Variants in PLXNA3 observed in about 807,000 individuals in gnomAD.
PLXNA3 encodes plexin-A3.
PLXNA3 carries 52 observed loss-of-function variants against 118.8 expected under a neutral mutation model. The ratio of observed to expected loss-of-function variants is 0.44; its 90% CI spans 0.35 to 0.55. The LOEUF (loss-of-function observed/expected upper bound fraction) is 0.55, where lower values mean the gene tolerates loss of function less well. PLXNA3 is among the 20% of genes least tolerant of loss of function. The probability of loss-of-function intolerance (pLI) is 0.01; values close to 1 mark genes in which losing one functional copy is unlikely to be tolerated. For synonymous variants in PLXNA3, 925 were observed against 762.4 expected, an observed-to-expected ratio of 1.21 and a Z score of -3.51; for missense variants, 1,660 against 1,730.8, an observed-to-expected ratio of 0.96 and a Z score of 0.73.
At position 154,474,041 on chromosome X, in the gene PLXNA3, TGAC is replaced by T. The variant is rs1557210390; in HGVS notation, c.*1357_*1359del. On this transcript the variant is annotated 3_prime_UTR_variant, in exon 33 of 33. Transcript: ENST00000369682. ...AGCTGCAGCCAGCTCCTTCAAAACC[TGAC>T]AATTGCATACTGTCGAGGTTGTGGC... 2 of 112,177 alleles carry T rather than the reference TGAC, an allele frequency of 1.8e-5. No individual in the cohort carries two copies. Among genetic ancestry groups the T allele is most frequent in the African/African-American group, 6.5e-5 (2 of 30,810 alleles). 9.2% of individuals were successfully genotyped at this position (112,177 alleles called of 1,213,427 possible). A position where few individuals can be genotyped will look rare whatever the true frequency, so the allele number is the denominator to read the frequency against.
intron 2 of PLXNA3, 115 bp from the exon 3 acceptor site, chrX:154,460,984 G>C (rs2068943364): frequency 1.3e-6 from 1 of 755,516 alleles, no homozygotes; most frequent in Non-Finnish European, 1.9e-6. Flanking sequence ...CAGCCTTTCT[G>C]GCCTGGGCCT....
chrX:154,470,975 C>T, intron 30 of PLXNA3, 130 bp from the exon 31 acceptor site: 2 of 520,351 alleles, frequency 3.8e-6, no homozygotes, highest in Non-Finnish European at 6.5e-6. Context: ...GCCGTTCACC[C>T]TAAATGTGTT....
At position 154,473,048 on chromosome X, in the gene PLXNA3, A is replaced by C. The variant is rs1335917697; in HGVS notation, c.*363A>C. The C allele has an allele frequency of 6.8e-6, 1 of 146,306 alleles. No individual in the cohort carries two copies. Among genetic ancestry groups the C allele is most frequent in the Non-Finnish European group, 1.4e-5 (1 of 73,044 alleles). The allele number at this position is 146,306 out of a possible 1,213,427, so 12.1% of individuals were successfully genotyped here. On this transcript the variant is annotated 3_prime_UTR_variant, in exon 33 of 33. Transcript: ENST00000369682. ...CTGTAAATATGTGTCCCCCCACCGG[A>C]TGTCGCCACCCTCACTCACCTGCCT...
intron 30 of PLXNA3, 31 bp downstream of exon 30, chrX:154,470,642 T>C (rs1557209163): frequency 8.5e-7 from 1 of 1,181,727 alleles, no homozygotes; most frequent in African/African-American, 1.7e-5. Context: ...GCCAGCAGCC[T>C]GTCTGGAGAC....
At chrX:154,460,109 C>A in intron 1 of PLXNA3, 48 bp from the exon 2 acceptor site, 1 of 710,520 alleles carries the variant, frequency 1.4e-6, no homozygotes, top group Non-Finnish European at 2.1e-6. Context: ...AATGGCCCAG[C>A]CCTCTGTGGC....
chrX:154,462,333 T>C, intron 4 of PLXNA3, 23 bp downstream of exon 4: 3 of 1,098,592 alleles, frequency 2.7e-6, no homozygotes, highest in South Asian at 2.2e-5. Flanking sequence ...GCCCTGGGCA[T>C]GTGGGGGTGG....
rs201799797 is a variant in PLXNA3, at chrX:154,461,498, C to G, written c.994C>G (p.Pro332Ala). The G allele has an allele frequency of 1.7e-6, 2 of 1,211,901 alleles. No homozygotes were observed. The highest frequency in any genetic ancestry group is 1.8e-5 in the South Asian group (1 of 57,034). The change falls in exon 3 of 33, where the codon CCC becomes GCC. Residue 332 changes from proline (P) to alanine (A), a missense_variant. This residue lies in a region of PLXNA3 where 791 missense variants were observed against 652.1 expected (regional missense o/e 1.21). Transcript: ENST00000369682. ...GGGCCAGAAGAACCGGGCCAGCCCA[C>G]CCCGGCAGACCATCCTCTGCCTCTT... ...SQGQKNRASP[P>A]RQTILCLFTL...
At position 154,469,229 on chromosome X, in the gene PLXNA3, C is replaced by A; in HGVS notation, c.4594+14C>A. 1 of 1,204,564 alleles carries A rather than the reference C, an allele frequency of 8.3e-7. No individual in the cohort carries two copies. Among genetic ancestry groups the A allele is most frequent in the Non-Finnish European group, 1.1e-6 (1 of 890,573 alleles). ...ACATGGACCTGGGTGAGGTCCCCACCCTCTCCTCCTGGCTCCCACTCATAC... is the reference window on the plus strand; with the variant it reads ...ACATGGACCTGGGTGAGGTCCCCACACTCTCCTCCTGGCTCCCACTCATAC... On this transcript the variant is annotated intron_variant, in intron 26 of 32. Coordinates refer to ENST00000369682, the MANE Select transcript of PLXNA3 (RefSeq NM_017514.5).
Position 154,466,452 on chromosome X carries a change from C to T in PLXNA3, c.2876C>T (p.Ser959Phe), listed in dbSNP as rs2069087184. 3.3e-6 allele frequency: 4 copies of T among 1,211,196 alleles called. No individual in the cohort carries two copies. The highest frequency in any genetic ancestry group is 4.5e-6 in the Non-Finnish European group (4 of 895,323). The change falls in exon 16 of 33, where the codon TCT (serine) becomes TTT (phenylalanine). Residue 959 changes from serine to phenylalanine, a missense_variant. Transcript: ENST00000369682. ...ACACGGCTTACCATCTCAGGCAGCT[C>T]TCTGGATGCTGGCAGCAGGGTCACA... Reference protein sequence around the residue: ...GGTRLTISGSSLDAGSRVTVT... With the variant: ...GGTRLTISGSFLDAGSRVTVT...
chrX:154,476,164 A>C lies in PLXNA3; in HGVS notation c.*3479A>C, dbSNP rs1446331113. ...TCAAAAAAAATAATAATAATTAAAA[A>C]ACAAAAGATCGGCTGGGCGCGGTGG... On this transcript the variant is annotated 3_prime_UTR_variant, in exon 33 of 33. Transcript: ENST00000369682. The C allele has an allele frequency of 9.0e-6, 1 of 111,559 alleles. No individual in the cohort carries two copies. Among genetic ancestry groups the C allele is most frequent in the African/African-American group, 3.3e-5 (1 of 30,608 alleles). The allele number at this position is 111,559 out of a possible 1,213,427, so 9.2% of individuals were successfully genotyped here. A position where few individuals can be genotyped will look rare whatever the true frequency, so the allele number is the denominator to read the frequency against.
chrX:154,469,164 T>C lies in PLXNA3; in HGVS notation c.4543T>C (p.Tyr1515His), dbSNP rs2069143434. ...QAKDKLLDTV[Y>H]KGIPYSQRPK... ...CAAAGATAAGCTGCTGGACACTGTG[T>C]ACAAGGGCATTCCGTACTCCCAGCG... The change falls in exon 26 of 33, where the codon TAC (tyrosine) becomes CAC (histidine). Residue 1515 changes from tyrosine to histidine, a missense_variant. By Grantham distance (83) the Tyr-to-His change is moderately conservative. Coordinates refer to ENST00000369682, the MANE Select transcript of PLXNA3 (RefSeq NM_017514.5). 1 of 1,211,239 alleles carries C rather than the reference T, an allele frequency of 8.3e-7. No homozygotes were observed. Among genetic ancestry groups the C allele is most frequent in the Non-Finnish European group, 1.1e-6 (1 of 895,427 alleles).
At chrX:154,470,267 C>A (rs1432738765) in intron 29 of PLXNA3, 100 bp downstream of exon 29, 1 of 968,105 alleles carries the variant, frequency 1.0e-6, no homozygotes, top group Admixed American at 2.8e-5. Context: ...GGCCTTTCTT[C>A]GGGTCTTTGC....
chrX:154,468,757 G>A (rs782047932), intron 24 of PLXNA3, 28 bp downstream of exon 24: 7 of 1,211,389 alleles, frequency 5.8e-6, no homozygotes, highest in Non-Finnish European at 7.8e-6. Flanking sequence ...GCGGCAGGGA[G>A]GTGGTGGCAG....
chrX:154,467,566 G>A lies in PLXNA3; in HGVS notation c.3463G>A (p.Ala1155Thr), dbSNP rs1557207725. ...CCAGGGCAAGAACCTGATTCCCGCT[G>A]CAGCCGGCAGCTCCCGCCTCAACTA... Reference protein sequence around the residue: ...VLKGKNLIPAAAGSSRLNYTV... With the variant: ...VLKGKNLIPATAGSSRLNYTV... The change falls in exon 20 of 33, where the codon GCA becomes ACA. Residue 1155 changes from alanine (A) to threonine (T), a missense_variant. Ala to Thr is a moderately conservative substitution (Grantham distance 58). Around this residue, in one of 2 missense-constraint regions of PLXNA3, gnomAD observed 869 missense variants for 1,078.7 expected, o/e 0.81. Coordinates refer to ENST00000369682, the MANE Select transcript of PLXNA3 (RefSeq NM_017514.5). 1.7e-6 allele frequency: 2 copies of A among 1,191,194 alleles called. No individual in the cohort carries two copies. The highest frequency in any genetic ancestry group is 2.3e-6 in the Non-Finnish European group (2 of 885,684).
Position 154,470,471 on chromosome X carries a change from C to T in PLXNA3, c.5016C>T (p.Leu1672=), listed in dbSNP as rs1557209095. The T allele has an allele frequency of 1.7e-6, 2 of 1,211,444 alleles. No homozygotes were observed. The highest frequency in any genetic ancestry group is 4.3e-5 in the Admixed American group (2 of 46,123). The part of the protein sequence containing the change: ...KGTLQKFVDD[L]FETVFSTAHR... Reference sequence around the variant, plus strand: ...CACTGCAGAAGTTCGTGGATGACCTCTTTGAGACAGTGTTCAGCACAGCCC... The same window carrying T: ...CACTGCAGAAGTTCGTGGATGACCTTTTTGAGACAGTGTTCAGCACAGCCC... The change falls in exon 30 of 33, where the codon CTC becomes CTT. Residue 1672 remains leucine, a synonymous_variant. Coordinates refer to ENST00000369682, the MANE Select transcript of PLXNA3 (RefSeq NM_017514.5).
At position 154,466,055 on chromosome X, in the gene PLXNA3, C is replaced by T. The variant is rs2069078030; in HGVS notation, c.2653C>T (p.Pro885Ser). The T allele has an allele frequency of 8.3e-7, 1 of 1,209,384 alleles. No individual in the cohort carries two copies. Among genetic ancestry groups the T allele is most frequent in the Non-Finnish European group, 1.1e-6 (1 of 894,127 alleles). ...GGCTGGCGTGCGTTGCAACTCCATT[C>T]CGGCCGAGTACATCAGTGCTGAGAG... ...RVAGVRCNSI[P>S]AEYISAERIV... The change falls in exon 14 of 33, where the codon CCG (proline) becomes TCG (serine). Residue 885 changes from proline to serine, a missense_variant. Coordinates refer to ENST00000369682, the MANE Select transcript of PLXNA3 (RefSeq NM_017514.5).
In PLXNA3 at chrX:154,468,187, C is replaced by T. The variant is rs1557208090; in HGVS notation, c.3926C>T (p.Pro1309Leu). 5.9e-6 allele frequency: 7 copies of T among 1,182,504 alleles called. No homozygotes were observed. The highest frequency in any genetic ancestry group is 4.5e-6 in the Non-Finnish European group (4 of 880,223). ...YRTYAVRVLFPGIEAHPVLKE... is the reference protein window; with the variant it reads ...YRTYAVRVLFLGIEAHPVLKE... The stretch of plus-strand genomic sequence containing the variant: ...ACTTACGCCGTGCGCGTGCTCTTCC[C>T]GGGCATCGAGGCCCACCCGGTGCTC... Residue 1309 changes from proline to leucine, a missense_variant, in exon 22 of 33, where the codon CCG becomes CTG. Transcript: ENST00000369682.
chrX:154,460,620 A>C lies in PLXNA3; in HGVS notation c.437A>C (p.Gln146Pro), dbSNP rs1360340387. The C allele has an allele frequency of 8.4e-7, 1 of 1,190,519 alleles. No individual in the cohort carries two copies. The highest frequency in any genetic ancestry group is 3.0e-5 in the East Asian group (1 of 33,635). ...AAGGAGCACTACCTGTCGGGGGCCC[A>C]GGAGCCCGACTCCATGGCTGGTGTC... is the stretch of plus-strand genomic sequence containing the variant. Reference protein sequence around the residue: ...HRKEHYLSGAQEPDSMAGVIV... With the variant: ...HRKEHYLSGAPEPDSMAGVIV... Residue 146 changes from glutamine to proline, a missense_variant, in exon 2 of 33, where the codon CAG (glutamine) becomes CCG (proline). Coordinates refer to ENST00000369682, the MANE Select transcript of PLXNA3 (RefSeq NM_017514.5).
chrX:154,468,309 C>T lies in PLXNA3; in HGVS notation c.3970C>T (p.Pro1324Ser), dbSNP rs1557208164. 1 of 1,203,714 alleles carries T rather than the reference C, an allele frequency of 8.3e-7. No individual in the cohort carries two copies. ...GACCTCCTGCTCCCCACAGACGCCA[C>T]CCAACGTGGAGAAGGCCCTGCGCCT... ...HPVLKELDTP[P>S]NVEKALRLFG... Residue 1324 changes from proline (P) to serine (S), a missense_variant, in exon 23 of 33, where the codon CCC becomes TCC. By Grantham distance (74) the Pro-to-Ser change is moderately conservative (BLOSUM62 -1). Coordinates refer to ENST00000369682, the MANE Select transcript of PLXNA3 (RefSeq NM_017514.5).
Sources: gnomAD v4.1 joint callset for allele counts on GRCh38, gnomAD v4.1.1 for gene constraint, gnomAD v4.1.1 regional missense constraint, MANE v1.5 for transcripts, NCBI Gene and HGNC (gene_info 2026-07-23, HGNC 2026-07-21) for gene names.